TENM3: variants seen among roughly 807,000 people sequenced by gnomAD.
The protein encoded by TENM3 is teneurin-3.
A neutral mutation model predicts 255.1 loss-of-function variants in TENM3; 63 were observed. That is an observed-to-expected ratio of 0.25 (90% CI 0.20 to 0.30). The LOEUF (loss-of-function observed/expected upper bound fraction) is 0.30, where lower values mean the gene tolerates loss of function less well. Among genes scored for constraint, TENM3 ranks in the 10% least tolerant of loss-of-function variants. The pLI, the probability that TENM3 is intolerant of heterozygous loss-of-function variation, is 1.00. For synonymous variants in TENM3, 1,306 were observed against 1,322.3 expected (o/e 0.99, Z 0.27); for missense variants, 2,929 against 3,461.1 (o/e 0.85, Z 3.86).
intron 18 of TENM3, 143 bp from the exon 19 acceptor site, chr4:182,743,027 C>G: frequency 1.2e-6 from 1 of 856,510 alleles, no homozygotes; most frequent in East Asian, 2.7e-5. Context: ...GAATACAATT[C>G]ATTCCAATGG....
upstream of TENM3, among the ~76,000 whole-genome samples, chr4:182,242,014 TCC>T (rs1561232999): frequency 1.2e-4 from 18 of 144,474 alleles, 1 homozygote; most frequent in African/African-American, 3.6e-4. Context: ...TTTTTTTTTT[TCC>T]TCTCTCTTTT....
the TENM3 span, chr4:181,522,848 T>A: frequency 1.0e-6 from 1 of 963,034 alleles, no homozygotes; most frequent in Non-Finnish European, 1.7e-6. Context: ...CAATGCAGGC[T>A]CTAAAAGCTG....
At chr4:181,787,819 T>G in the TENM3 span, among the ~76,000 whole-genome samples, 7 of 152,118 alleles carry the variant, frequency 4.6e-5, no homozygotes, top group African/African-American at 1.7e-4. Flanking sequence ...TTGTCTTTGC[T>G]TGTAACTCCT....
chr4:182,777,511 ATGTGTGTGTGTGTG>A lies in TENM3; in HGVS notation c.5304+2376_5304+2389del, dbSNP rs150202066. 1.2e-3 allele frequency among the ~76,000 whole-genome samples: 123 copies of A among 99,894 alleles called. 1 individual carries two copies. Among genetic ancestry groups the A allele is most frequent in the African/African-American group, 3.8e-3 (105 of 27,352 alleles). The allele number at this position is 99,894 out of a possible 152,430, so 65.5% of individuals were successfully genotyped here. ...CTCTCTGTCTATACATAATGTGTTT[ATGTGTGTGTGTGTG>A]TGTGTGTGTGTGTGTGTATTTCTTT... On this transcript the variant is annotated intron_variant, in intron 24 of 27. Transcript: ENST00000511685.
chr4:182,554,313 A>T (rs1285015429), intron 3 of TENM3, among the ~76,000 whole-genome samples: 1 of 152,108 alleles, frequency 6.6e-6, no homozygotes, highest in African/African-American at 2.4e-5. Context: ...AAATATTCCA[A>T]CTTTTGCCGA....
chr4:181,779,692 G>T, the TENM3 span, among the ~76,000 whole-genome samples: 1 of 151,928 alleles, frequency 6.6e-6, no homozygotes, highest in Admixed American at 6.6e-5. Context: ...CAATGTGCAG[G>T]TTTGTTACAT....
At chr4:181,765,798 G>A in the TENM3 span, among the ~76,000 whole-genome samples, 1 of 152,146 alleles carries the variant, frequency 6.6e-6, no homozygotes, top group African/African-American at 2.4e-5. Flanking sequence ...GAGGGAAAAG[G>A]TTTAGAAAGG....
chr4:181,641,518 C>T, the TENM3 span, among the ~76,000 whole-genome samples: 1 of 105,916 alleles, frequency 9.4e-6, no homozygotes, highest in Admixed American at 1.2e-4. Flanking sequence ...TGAACTCATC[C>T]TTTTTTGTGG....
chr4:182,647,402 C>T lies in TENM3; in HGVS notation c.989-6369C>T, dbSNP rs142988581. On this transcript the variant is annotated intron_variant, in intron 5 of 27. Transcript: ENST00000511685. Reference sequence around the variant, plus strand: ...TTTCTCCATCCTCCCAAACCCTGGTCATCACCATTCTACTTTAAGATTCTA... The same window carrying T: ...TTTCTCCATCCTCCCAAACCCTGGTTATCACCATTCTACTTTAAGATTCTA... Among the ~76,000 whole-genome samples the T allele has an allele frequency of 5.1e-3, 770 of 152,330 alleles. 6 individuals are homozygous for T. Among genetic ancestry groups the T allele is most frequent in the African/African-American group, 0.018 (736 of 41,578 alleles).
intron 3 of TENM3, among the ~76,000 whole-genome samples, chr4:182,494,924 A>G (rs1297494241): frequency 6.6e-6 from 1 of 152,216 alleles, no homozygotes; most frequent in African/African-American, 2.4e-5. Context: ...CATGGGAAGT[A>G]CTATTGGAGG....
chr4:181,869,808 C>T, the TENM3 span, among the ~76,000 whole-genome samples: 1 of 151,994 alleles, frequency 6.6e-6, no homozygotes. Flanking sequence ...AATAAAATAT[C>T]ACAAGAATGC....
At chr4:182,007,347 T>C in the TENM3 span, among the ~76,000 whole-genome samples, 1 of 152,186 alleles carries the variant, frequency 6.6e-6, no homozygotes, top group Non-Finnish European at 1.5e-5. Context: ...ACTATTATTA[T>C]GTGGGAGTCT....
At chr4:182,269,336 A>G (rs2150207509) in intron 1 of TENM3, among the ~76,000 whole-genome samples, 1 of 152,334 alleles carries the variant, frequency 6.6e-6, no homozygotes, top group East Asian at 1.9e-4. Flanking sequence ...AGGAAAAATC[A>G]TAGAGGAAGG....
At chr4:182,061,126 A>G in the TENM3 span, among the ~76,000 whole-genome samples, 278 of 152,274 alleles carry the variant, frequency 1.8e-3, 1 homozygote, top group African/African-American at 6.4e-3. Flanking sequence ...AACTCTTTCA[A>G]GGAGAGCAGG....
At chr4:182,238,994 A>G (rs548113731), upstream of TENM3, among the ~76,000 whole-genome samples, 1 of 151,998 alleles carries the variant, frequency 6.6e-6, no homozygotes, top group African/African-American at 2.4e-5. Flanking sequence ...ATAAAAAATA[A>G]AATCTCCCCA....
intron 22 of TENM3, among the ~76,000 whole-genome samples, chr4:182,763,311 CCAA>C (rs1197950404): frequency 1.3e-5 from 2 of 152,080 alleles, no homozygotes; most frequent in East Asian, 1.9e-4. Flanking sequence ...ACCTGTAATC[CCAA>C]CAACACTTTG....
chr4:181,593,978 G>C, the TENM3 span, among the ~76,000 whole-genome samples: 306 of 147,430 alleles, frequency 2.1e-3, no homozygotes, highest in African/African-American at 7.0e-3. Context: ...AAGGGTTATA[G>C]ATAAACTCTG....
chr4:182,692,462 TGTAA>T (rs1220896070), intron 12 of TENM3, among the ~76,000 whole-genome samples: 2 of 152,230 alleles, frequency 1.3e-5, no homozygotes, highest in Admixed American at 6.5e-5. Flanking sequence ...AATTGGAGGC[TGTAA>T]GTGAGATTGA....
chr4:182,438,469 C>T (rs530478802), intron 3 of TENM3, among the ~76,000 whole-genome samples: 7 of 152,254 alleles, frequency 4.6e-5, no homozygotes, highest in African/African-American at 1.7e-4. Context: ...CATAGATGCC[C>T]AGAAATAATT....
Sources: allele counts gnomAD v4.1 joint callset (sites outside exome capture counted in the v4.1 genomes callset), GRCh38; gene constraint gnomAD v4.1.1; transcripts MANE v1.5; gene names NCBI Gene and HGNC (gene_info 2026-07-23, HGNC 2026-07-21).